FAM83A: variants seen among roughly 807,000 people sequenced by gnomAD.
FAM83A encodes the protein protein FAM83A.
FAM83A carries 21 observed loss-of-function variants against 24.4 expected under a neutral mutation model. That is an observed-to-expected ratio of 0.86 (90% CI 0.61 to 1.24). The LOEUF (loss-of-function observed/expected upper bound fraction) is 1.24, where lower values mean the gene tolerates loss of function less well. FAM83A is among the 50% of genes most tolerant of loss of function. The probability of loss-of-function intolerance (pLI) is 0.00; values close to 1 mark genes in which losing one functional copy is unlikely to be tolerated. For missense variants in FAM83A, 617 were observed against 579.8 expected, an observed-to-expected ratio of 1.06 and a Z score of -0.66; for synonymous variants, 270 against 252.4, an observed-to-expected ratio of 1.07 and a Z score of -0.66.
At position 123,209,093 on chromosome 8, in the gene FAM83A, G is replaced by A. The variant is rs1391376152; in HGVS notation, c.*1405G>A. ...CACCTCAGGTGTGATAGTGGGGTCA[G>A]TGGTATGTGATCCAGGCTGGGGAGC... On this transcript the variant is annotated 3_prime_UTR_variant, in exon 4 of 4. Transcript: ENST00000690554. This position sits in a 1 kb window ranked among gnomAD's most constrained non-coding sequence, Gnocchi z 4.7. 2 of 1,027,084 alleles carry A rather than the reference G, an allele frequency of 1.9e-6. No individual in the cohort carries two copies. Among genetic ancestry groups the A allele is most frequent in the East Asian group, 1.7e-4 (2 of 11,768 alleles). The allele number at this position is 1,027,084 out of a possible 1,614,324, so 63.6% of individuals were successfully genotyped here.
intron 3 of FAM83A, chr8:123,201,768 T>C (rs1586787413): frequency 6.6e-6 from 1 of 152,218 alleles, no homozygotes; most frequent in Non-Finnish European, 1.5e-5. Flanking sequence ...GAAGGGCTGG[T>C]TGAGGGTCTG....
intron 1 of FAM83A, among the ~76,000 whole-genome samples, chr8:123,189,011 T>G (rs1586777367): frequency 6.6e-6 from 1 of 152,366 alleles, no homozygotes; most frequent in Non-Finnish European, 1.5e-5. Flanking sequence ...AAATGATGAT[T>G]CATTGGCATA....
exon 4 of FAM83A, chr8:123,207,710 T>C: frequency 6.9e-7 from 1 of 1,449,952 alleles, no homozygotes; most frequent in Non-Finnish European, 9.0e-7. Context: ...CCTGCTGCCC[T>C]CCGCAGGCCC....
At chr8:123,196,345 CTCTG>C (rs1824153553) in intron 3 of FAM83A, among the ~76,000 whole-genome samples, 1 of 152,214 alleles carries the variant, frequency 6.6e-6, no homozygotes, top group Admixed American at 6.5e-5. Context: ...GTTTTATCAT[CTCTG>C]TCTTTTAATA....
At chr8:123,200,268 A>G (rs1824306185) in intron 3 of FAM83A, among the ~76,000 whole-genome samples, 1 of 152,222 alleles carries the variant, frequency 6.6e-6, no homozygotes, top group Admixed American at 6.5e-5. Context: ...AGCTGCAGTC[A>G]GGCCCACCTT....
upstream of FAM83A, chr8:123,180,802 T>C (rs1823578915): frequency 6.6e-6 from 1 of 152,002 alleles, no homozygotes; most frequent in Non-Finnish European, 1.5e-5. Flanking sequence ...ATTGGATTTG[T>C]CCTCTTTGAC....
exon 4 of FAM83A, chr8:123,210,070 T>C (rs757542602): frequency 2.6e-4 from 41 of 156,766 alleles, no homozygotes; most frequent in Non-Finnish European, 5.1e-4. Context: ...ACCTTTGTTG[T>C]TTAAGCCACT....
At chr8:123,181,413 T>C (rs566273182), upstream of FAM83A, among the ~76,000 whole-genome samples, 15 of 152,250 alleles carry the variant, frequency 9.9e-5, no homozygotes, top group South Asian at 2.7e-3. Context: ...CACACAATCC[T>C]GATTTCTTGG....
intron 1 of FAM83A, among the ~76,000 whole-genome samples, chr8:123,185,877 GC>G (rs1234828785): frequency 6.6e-6 from 1 of 152,118 alleles, no homozygotes; most frequent in African/African-American, 2.4e-5. Context: ...TGCAACCTCT[GC>G]CCCCCAGATT....
chr8:123,208,782 G>C, exon 4 of FAM83A: 5 of 968,510 alleles, frequency 5.2e-6, no homozygotes, highest in Non-Finnish European at 6.1e-6. Flanking sequence ...GATTACCTGA[G>C]ATCAGGTGGA....
intron 3 of FAM83A, among the ~76,000 whole-genome samples, chr8:123,203,799 TA>T (rs1186324157): frequency 6.7e-6 from 1 of 150,050 alleles, no homozygotes; most frequent in Admixed American, 6.7e-5. Context: ...AACATATGGT[TA>T]AAAAAACAAA....
intron 2 of FAM83A, among the ~76,000 whole-genome samples, chr8:123,193,463 G>A (rs1329139567): frequency 1.3e-5 from 2 of 150,502 alleles, no homozygotes; most frequent in Non-Finnish European, 3.0e-5. Context: ...TTTTTTTGTT[G>A]CCAGCTGATG....
chr8:123,206,922 CTCCTCT>C (rs1371693302), intron 3 of FAM83A, among the ~76,000 whole-genome samples: 12 of 151,448 alleles, frequency 7.9e-5, no homozygotes, highest in Non-Finnish European at 1.5e-4. Context: ...CCTCCTCCTC[CTCCTCT>C]TCCTCCTCTT....
intron 1 of FAM83A, among the ~76,000 whole-genome samples, chr8:123,187,857 TTTTTTTA>T (rs1231142812): frequency 6.6e-6 from 1 of 151,592 alleles, no homozygotes; most frequent in Non-Finnish European, 1.5e-5. Context: ...TTATTTTTTA[TTTTTTTA>T]TTTTTTATTT....
At chr8:123,189,585 A>G (rs1377528592) in intron 1 of FAM83A, among the ~76,000 whole-genome samples, 2 of 152,220 alleles carry the variant, frequency 1.3e-5, no homozygotes. Flanking sequence ...CGCTCTGCTC[A>G]CTGAGATAGA....
chr8:123,209,812 C>T lies in FAM83A; in HGVS notation c.*2124C>T. The T allele has an allele frequency of 2.0e-6, 1 of 500,304 alleles. No individual in the cohort carries two copies. 31.0% of individuals were successfully genotyped at this position (500,304 alleles called of 1,614,324 possible). A position where few individuals can be genotyped will look rare whatever the true frequency, so the allele number is the denominator to read the frequency against. On this transcript the variant is annotated 3_prime_UTR_variant, in exon 4 of 4. Coordinates refer to ENST00000690554, the Ensembl canonical transcript of FAM83A. This position sits in a 1 kb window ranked among gnomAD's most constrained non-coding sequence, Gnocchi z 4.7. ...AAGGTGCAGTTTCTCCTCTCCTGGG[C>T]ACCTGTAACATGTGATGCGCTGCCT... is the stretch of plus-strand genomic sequence containing the variant.
rs1434355601 is a variant in FAM83A at position 123,194,264 on chromosome 8, C to T, written c.773+116C>T. On this transcript the variant is annotated intron_variant, in intron 3 of 3. Transcript: ENST00000690554. ...CCCCCAGCAGCTCCCAGAAGGTCTCCCTCTGCCCGGAGCTGGAGCTGCATC... is the reference window on the plus strand; with the variant it reads ...CCCCCAGCAGCTCCCAGAAGGTCTCTCTCTGCCCGGAGCTGGAGCTGCATC... The T allele has an allele frequency of 3.5e-6, 5 of 1,436,354 alleles. No homozygotes were observed. The African/African-American group carries it at 7.0e-5, about 20-fold the overall frequency. 89.0% of individuals were successfully genotyped at this position (1,436,354 alleles called of 1,614,324 possible).
upstream of FAM83A, chr8:123,182,534 T>C: frequency 7.4e-6 from 4 of 537,270 alleles, no homozygotes; most frequent in Non-Finnish European, 1.4e-5. Context: ...CACCTTCGCC[T>C]CCCCCTGCGG....
intron 3 of FAM83A, among the ~76,000 whole-genome samples, chr8:123,197,693 C>T (rs1431139259): frequency 6.6e-6 from 1 of 152,194 alleles, no homozygotes; most frequent in Admixed American, 6.5e-5. Context: ...GGTTTTGCAT[C>T]ACTAAAGGGA....
Sources: gnomAD v4.1 joint callset for allele counts (sites outside exome capture counted in the v4.1 genomes callset) on GRCh38, gnomAD v4.1.1 for gene constraint, Gnocchi (gnomAD v3.1) non-coding constraint, MANE v1.5 for transcripts, NCBI Gene and HGNC (gene_info 2026-07-23, HGNC 2026-07-21) for gene names.